SOX6: variants seen among roughly 807,000 people sequenced by gnomAD.
SOX6 encodes the protein SRY-box transcription factor 6.
A neutral mutation model predicts 97.8 loss-of-function variants in SOX6; 11 were observed. That is an observed-to-expected ratio of 0.11 (90% CI 0.07 to 0.19). SOX6 has a LOEUF of 0.19. Ranked by LOEUF, SOX6 falls within the 10% of genes least tolerant of loss-of-function variation. SOX6 has a pLI of 1.00. For synonymous variants in SOX6, 360 were observed against 371.4 expected, an observed-to-expected ratio of 0.97 and a Z score of 0.35; for missense variants, 810 against 1,039.5, an observed-to-expected ratio of 0.78 and a Z score of 3.04.
chr11:16,582,206 T>A (rs1848038073), intron 4 of SOX6, among the ~76,000 whole-genome samples: 1 of 152,176 alleles, frequency 6.6e-6, no homozygotes, highest in African/African-American at 2.4e-5. Flanking sequence ...TATTAGATAC[T>A]ATGCTCAGCA....
intron 4 of SOX6, among the ~76,000 whole-genome samples, chr11:16,505,712 T>G (rs907570378): frequency 6.6e-6 from 1 of 152,196 alleles, no homozygotes; most frequent in Non-Finnish European, 1.5e-5. Context: ...AATGGTTCTG[T>G]GAGCCATACT....
chr11:16,454,931 CT>C (rs1398767834), intron 1 of SOX6, among the ~76,000 whole-genome samples: 1 of 151,986 alleles, frequency 6.6e-6, no homozygotes, highest in Admixed American at 6.6e-5. Context: ...TAGTGCTAAA[CT>C]TTTTTCCCTT....
intron 3 of SOX6, among the ~76,000 whole-genome samples, chr11:16,309,477 C>T (rs572957637): frequency 1.3e-5 from 2 of 151,980 alleles, no homozygotes; most frequent in South Asian, 2.1e-4. Context: ...CATTATTTAG[C>T]GACCGATTGG....
intron 4 of SOX6, among the ~76,000 whole-genome samples, chr11:16,611,493 AG>A: frequency 6.6e-6 from 1 of 152,354 alleles, no homozygotes; most frequent in African/African-American, 2.4e-5. Flanking sequence ...AAAAGCCAAA[AG>A]GGAAGAAGTT....
intron 10 of SOX6, among the ~76,000 whole-genome samples, chr11:16,054,607 T>C (rs1847769884): frequency 6.6e-6 from 1 of 152,154 alleles, no homozygotes; most frequent in African/African-American, 2.4e-5. Context: ...AAAATTCCCA[T>C]ATGCAAATTT....
intron 6 of SOX6, among the ~76,000 whole-genome samples, chr11:16,144,511 G>A (rs1850236838): frequency 6.6e-6 from 1 of 152,146 alleles, no homozygotes; most frequent in Non-Finnish European, 1.5e-5. Flanking sequence ...GAGCAGAACT[G>A]AAAGAGATAG....
At chr11:16,598,901 A>G (rs1465683454) in intron 4 of SOX6, among the ~76,000 whole-genome samples, 1 of 152,116 alleles carries the variant, frequency 6.6e-6, no homozygotes, top group Non-Finnish European at 1.5e-5. Context: ...GAAGGTAGCA[A>G]GGGTGACAGA....
At chr11:16,443,762 C>A (rs1332977976) in intron 1 of SOX6, among the ~76,000 whole-genome samples, 1 of 151,896 alleles carries the variant, frequency 6.6e-6, no homozygotes, top group African/African-American at 2.4e-5. Flanking sequence ...TGCCTGTAAT[C>A]CTAACACTTT....
At chr11:16,312,474 G>A (rs1272762158) in intron 3 of SOX6, 3 of 152,146 alleles carry the variant, frequency 2.0e-5, no homozygotes, top group Non-Finnish European at 4.4e-5. Context: ...AGTGGCTGAA[G>A]CACTATTATT....
intron 1 of SOX6, among the ~76,000 whole-genome samples, chr11:16,348,003 G>A (rs1395475178): frequency 1.3e-5 from 2 of 151,690 alleles, no homozygotes; most frequent in Non-Finnish European, 2.9e-5. Context: ...ACAAGAAGAA[G>A]AGAAAGAAGA....
chr11:16,047,009 C>T (rs1235389961), intron 11 of SOX6, among the ~76,000 whole-genome samples: 2 of 152,002 alleles, frequency 1.3e-5, no homozygotes, highest in Non-Finnish European at 2.9e-5. Flanking sequence ...ATTTGCTCTG[C>T]CTGTATGTAC....
chr11:16,443,994 A>T (rs1859562391), intron 1 of SOX6, among the ~76,000 whole-genome samples: 2 of 142,926 alleles, frequency 1.4e-5, no homozygotes, highest in African/African-American at 5.1e-5. Context: ...GCCTGGCAAC[A>T]GAGCGAGACT....
At chr11:16,047,856 C>A (rs1399842622) in intron 11 of SOX6, among the ~76,000 whole-genome samples, 1 of 151,850 alleles carries the variant, frequency 6.6e-6, no homozygotes, top group Non-Finnish European at 1.5e-5. Context: ...AAAAAATTCC[C>A]AAGCTATACA....
At chr11:16,611,907 A>G (rs561109152) in intron 4 of SOX6, among the ~76,000 whole-genome samples, 85 of 152,314 alleles carry the variant, frequency 5.6e-4, no homozygotes, top group African/African-American at 2.0e-3. Context: ...AAAATGCATG[A>G]ACTTTTTTCC....
At chr11:16,328,864 T>C (rs917462261) in intron 2 of SOX6, among the ~76,000 whole-genome samples, 4 of 152,148 alleles carry the variant, frequency 2.6e-5, no homozygotes, top group Non-Finnish European at 4.4e-5. Context: ...TATGTTTTTT[T>C]CTAATGTGAC....
chr11:16,070,541 G>A (rs913198715), intron 9 of SOX6, among the ~76,000 whole-genome samples: 1 of 152,076 alleles, frequency 6.6e-6, no homozygotes, highest in Non-Finnish European at 1.5e-5. Context: ...TGGGGAGAGG[G>A]GGCCAAGATG....
chr11:16,055,744 G>A lies in SOX6; in HGVS notation c.1251+8C>T, dbSNP rs905020935. On this transcript the variant is annotated splice_region_variant and intron_variant, in intron 10 of 15. Transcript: ENST00000683767. Reference sequence around the variant, plus strand: ...AACTGTTTCCACAATGCTGCAAGGCGAGTGTACCTTAACTTGAGTTACAGG... The same window carrying A: ...AACTGTTTCCACAATGCTGCAAGGCAAGTGTACCTTAACTTGAGTTACAGG... 9 of 1,613,318 alleles carry A rather than the reference G, an allele frequency of 5.6e-6. No individual in the cohort carries two copies. The highest frequency in any genetic ancestry group is 1.1e-5 in the South Asian group (1 of 91,060).
chr11:16,540,020 A>C (rs1183583632), intron 4 of SOX6, among the ~76,000 whole-genome samples: 1 of 152,208 alleles, frequency 6.6e-6, no homozygotes, highest in East Asian at 1.9e-4. Context: ...CAACAAAAAA[A>C]AGAGAATTTT....
intron 6 of SOX6, among the ~76,000 whole-genome samples, chr11:16,128,166 A>C (rs949331612): frequency 1.3e-5 from 2 of 152,190 alleles, no homozygotes; most frequent in African/African-American, 4.8e-5. Context: ...TACTATACAA[A>C]TCTAGCATTT....
Sources: gnomAD v4.1 joint callset for allele counts (sites outside exome capture counted in the v4.1 genomes callset) on GRCh38, gnomAD v4.1.1 for gene constraint, MANE v1.5 for transcripts, NCBI Gene and HGNC (gene_info 2026-07-23, HGNC 2026-07-21) for gene names.